The following ZNF101 variants were observed in gnomAD, a reference collection of about 807,000 sequenced individuals.
ZNF101 encodes zinc finger protein 101 (Y2).
In ZNF101, 34 loss-of-function variants were observed where a neutral mutation model predicts 42.6. That is an observed-to-expected ratio of 0.80 (90% confidence interval 0.61 to 1.06). The LOEUF is 1.06. Ranked by LOEUF, ZNF101 falls within the 50% of genes least tolerant of loss-of-function variation. The probability of loss-of-function intolerance (pLI) is 0.00; values close to 1 mark genes in which losing one functional copy is unlikely to be tolerated. For synonymous variants in ZNF101, 158 were observed against 183.9 expected, an observed-to-expected ratio of 0.86 and a Z score of 1.14; for missense variants, 466 against 530.9, an observed-to-expected ratio of 0.88 and a Z score of 1.20.
At chr19:19,671,737 G>C (rs1325362485) in intron 1 of ZNF101, among the ~76,000 whole-genome samples, 1 of 152,110 alleles carries the variant, frequency 6.6e-6, no homozygotes, top group Non-Finnish European at 1.5e-5. Context: ...CTGACCTCGT[G>C]ATCCGCCCGC....
chr19:19,680,240 G>A lies in ZNF101; in HGVS notation c.1251G>A (p.Leu417=), dbSNP rs763447171. 7.0e-6 allele frequency: 11 copies of A among 1,568,612 alleles called. No homozygotes were observed. Among genetic ancestry groups the A allele is most frequent in the Non-Finnish European group, 9.5e-6 (11 of 1,160,256 alleles). The part of the protein sequence containing the change: ...NYLRLHERTH[L]AGRSQCFGRR... ...TTAGACTTCATGAAAGAACTCATTTGGCCGGGCGTAGCCAGTGCTTTGGCA... is the reference window on the plus strand; with the variant it reads ...TTAGACTTCATGAAAGAACTCATTTAGCCGGGCGTAGCCAGTGCTTTGGCA... Residue 417 remains leucine (L), a synonymous_variant, in exon 4 of 4, where the codon TTG becomes TTA. Transcript: ENST00000592502.
intron 2 of ZNF101, 98 bp downstream of exon 2, chr19:19,678,088 G>T: frequency 6.5e-7 from 1 of 1,536,530 alleles, no homozygotes. Context: ...AGAATACGTT[G>T]GTGAATAAAT....
In ZNF101 at chr19:19,681,455, T is replaced by TTTAACAA. The variant is rs2062239759; in HGVS notation, c.*1156_*1157insTAACAAT. On this transcript the variant is annotated 3_prime_UTR_variant, in exon 4 of 4. Transcript: ENST00000592502. The stretch of plus-strand genomic sequence containing the variant: ...CAGGAAACTTCCATTTTAACAATAA[T>TTTAACAA]TAAAATTCACATGGGCTGTGCACAG... 6.6e-6 allele frequency: 1 copy of TTTAACAA among 152,182 alleles called. No homozygotes were observed. The highest frequency in any genetic ancestry group is 1.5e-5 in the Non-Finnish European group (1 of 68,038). The allele number at this position is 152,182 out of a possible 1,614,324, so 9.4% of individuals were successfully genotyped here. A position where few individuals can be genotyped will look rare whatever the true frequency, so the allele number is the denominator to read the frequency against.
At chr19:19,678,019 A>G (rs1470866896) in intron 2 of ZNF101, 29 bp downstream of exon 2, 2 of 1,600,034 alleles carry the variant, frequency 1.2e-6, no homozygotes, top group African/African-American at 1.3e-5. Flanking sequence ...TCCTTAGTCA[A>G]TTAGAAGACA....
chr19:19,670,218 C>T (rs1022046613), intron 1 of ZNF101, among the ~76,000 whole-genome samples: 12 of 152,176 alleles, frequency 7.9e-5, no homozygotes, highest in African/African-American at 2.9e-4. Context: ...GAGGGATTCC[C>T]TGCTGGCCCT....
At chr19:19,678,228 TAAAA>T (rs375473498) in intron 2 of ZNF101, among the ~76,000 whole-genome samples, 1 of 130,934 alleles carries the variant, frequency 7.6e-6, no homozygotes, top group Non-Finnish European at 1.7e-5. Context: ...CCTGTCTCTT[TAAAA>T]AAAAAAAAAA....
At position 19,679,404 on chromosome 19, in the gene ZNF101, A is replaced by G. The variant is rs747722592; in HGVS notation, c.415A>G (p.Thr139Ala). The change falls in exon 4 of 4, where the codon ACG becomes GCG. Residue 139 changes from threonine to alanine, a missense_variant. By Grantham distance (58) the Thr-to-Ala change is moderately conservative (BLOSUM62 0). Coordinates refer to ENST00000592502, the MANE Select transcript of ZNF101 (RefSeq NM_033204.4). ...TGAGTGTGGTGGGGAATGGAGAGAG[A>G]CGCCCCGTAAACAGAAACAACATGG... Reference protein sequence around the residue: ...RSECGGEWRETPRKQKQHGKA... With the variant: ...RSECGGEWREAPRKQKQHGKA... The G allele has an allele frequency of 3.1e-6, 5 of 1,613,832 alleles. No homozygotes were observed. The South Asian group carries it at 5.5e-5, about 18-fold the overall frequency.
At chr19:19,674,597 T>G (rs1007149379) in intron 1 of ZNF101, among the ~76,000 whole-genome samples, 9 of 152,236 alleles carry the variant, frequency 5.9e-5, no homozygotes, top group African/African-American at 2.2e-4. Context: ...GAGGATTTTT[T>G]GCATTGATAT....
At chr19:19,677,453 G>A (rs2062208758) in intron 1 of ZNF101, 1 of 177,910 alleles carries the variant, frequency 5.6e-6, no homozygotes, top group African/African-American at 2.4e-5. Flanking sequence ...AGTCTAAGTT[G>A]ACCCCGATAG....
chr19:19,670,227 C>T (rs1285074503), intron 1 of ZNF101, among the ~76,000 whole-genome samples: 6 of 152,090 alleles, frequency 3.9e-5, no homozygotes, highest in Non-Finnish European at 7.4e-5. Flanking sequence ...CCTGCTGGCC[C>T]TTGGGGGTGG....
rs369819591 is a variant in ZNF101 at position 19,677,971 on chromosome 19, C to T, written c.111C>T (p.Phe37=). 1.2e-6 allele frequency: 2 copies of T among 1,611,884 alleles called. No individual in the cohort carries two copies. Among genetic ancestry groups the T allele is most frequent in the Non-Finnish European group, 1.7e-6 (2 of 1,178,690 alleles). The part of the protein sequence containing the change: ...NLYRDVTLET[F]RNLASVGIQW... Reference sequence around the variant, plus strand: ...ACAGAGATGTGACGCTGGAAACCTTCAGGAACCTGGCCTCGGTCGGTAAGA... The same window carrying T: ...ACAGAGATGTGACGCTGGAAACCTTTAGGAACCTGGCCTCGGTCGGTAAGA... The change falls in exon 2 of 4, where the codon TTC becomes TTT. Residue 37 remains phenylalanine, a synonymous_variant. Transcript: ENST00000592502.
chr19:19,670,433 C>T (rs1278023229), intron 1 of ZNF101, among the ~76,000 whole-genome samples: 1 of 152,178 alleles, frequency 6.6e-6, no homozygotes, highest in Admixed American at 6.5e-5. Flanking sequence ...GAGACAAGGT[C>T]TCACTATGTT....
At chr19:19,674,971 C>T (rs1469003566) in intron 1 of ZNF101, among the ~76,000 whole-genome samples, 4 of 151,626 alleles carry the variant, frequency 2.6e-5, no homozygotes, top group Admixed American at 2.0e-4. Flanking sequence ...CAGGTGCCTG[C>T]CTCCATGCCA....
Position 19,681,107 on chromosome 19 carries a change from C to CT in ZNF101, c.*808dup, listed in dbSNP as rs1455795781. ...CTCCAGCCTGGATGACGGTGACACT[C>CT]TGTCTCAGAAAAAAAGGGAAAGAAA... On this transcript the variant is annotated 3_prime_UTR_variant, in exon 4 of 4. Coordinates refer to ENST00000592502, the MANE Select transcript of ZNF101 (RefSeq NM_033204.4). 1.3e-5 allele frequency: 2 copies of CT among 152,000 alleles called. No individual in the cohort carries two copies. The highest frequency in any genetic ancestry group is 2.9e-5 in the Non-Finnish European group (2 of 68,030). The allele number at this position is 152,000 out of a possible 1,614,324, so 9.4% of individuals were successfully genotyped here.
intron 1 of ZNF101, among the ~76,000 whole-genome samples, chr19:19,669,446 C>G (rs2062155622): frequency 6.6e-6 from 1 of 152,320 alleles, no homozygotes; most frequent in South Asian, 2.1e-4. Context: ...CATTCCCCAA[C>G]CCTAAGTTCT....
intron 1 of ZNF101, among the ~76,000 whole-genome samples, chr19:19,674,939 A>C (rs1322003116): frequency 1.4e-5 from 2 of 144,890 alleles, no homozygotes; most frequent in East Asian, 4.2e-4. Flanking sequence ...TCCTGCCTCA[A>C]CCTCCCCAGT....
Position 19,678,155 on chromosome 19 carries a change from G to T in ZNF101, c.130+165G>T, listed in dbSNP as rs890670670. Among the ~76,000 whole-genome samples, 17 of 151,592 alleles carry T rather than the reference G, an allele frequency of 1.1e-4. No individual in the cohort carries two copies. In the Admixed American group the frequency reaches 1.1e-3, roughly 10 times the overall value. ...CCTTGTAATCCTAGTGCTTTGGGAA[G>T]CCACGGTGGGAAGATTGCTTGCGTC... On this transcript the variant is annotated intron_variant, in intron 2 of 3. Coordinates refer to ENST00000592502, the MANE Select transcript of ZNF101 (RefSeq NM_033204.4).
Position 19,668,853 on chromosome 19 carries a change from T to C in ZNF101, c.-111T>C. The C allele has an allele frequency of 7.2e-7, 1 of 1,393,520 alleles. No homozygotes were observed. Among genetic ancestry groups the C allele is most frequent in the Non-Finnish European group, 9.6e-7 (1 of 1,042,314 alleles). The allele number at this position is 1,393,520 out of a possible 1,614,324, so 86.3% of individuals were successfully genotyped here. A position where few individuals can be genotyped will look rare whatever the true frequency, so the allele number is the denominator to read the frequency against. ...GCCGGCCCCCCATTCGGGTCCGGGT[T>C]TTAGTTCCTCGGGGAGCCCCTGGTG... On this transcript the variant is annotated 5_prime_UTR_variant, in exon 1 of 4. Coordinates refer to ENST00000592502, the MANE Select transcript of ZNF101 (RefSeq NM_033204.4).
chr19:19,674,535 G>A (rs1239988882), intron 1 of ZNF101, among the ~76,000 whole-genome samples: 2 of 152,234 alleles, frequency 1.3e-5, no homozygotes, highest in Admixed American at 1.3e-4. Flanking sequence ...TCTTGATGAT[G>A]TCATATAATC....
Sources: allele counts gnomAD v4.1 joint callset (sites outside exome capture counted in the v4.1 genomes callset), GRCh38; gene constraint gnomAD v4.1.1; transcripts MANE v1.5; gene names NCBI Gene and HGNC (gene_info 2026-07-23, HGNC 2026-07-21).